Variants in DNAH9 observed in about 807,000 individuals in gnomAD.
The protein encoded by DNAH9 is dynein axonemal heavy chain 9, also known as DNAH9 variant protein.
DNAH9 carries 345 observed loss-of-function variants against 471.6 expected under a neutral mutation model. The observed-to-expected ratio is 0.73, with a 90% confidence interval of 0.67 to 0.80. DNAH9 has a LOEUF of 0.80. DNAH9 is among the 30% of genes least tolerant of loss of function. The pLI, the probability that DNAH9 is intolerant of heterozygous loss-of-function variation, is 0.00. For missense variants in DNAH9, 5,407 were observed against 5,609.2 expected (o/e 0.96, Z 1.15); for synonymous variants, 2,093 against 2,123.6 (o/e 0.99, Z 0.40).
chr17:11,830,693 C>T (rs1970658393), intron 48 of DNAH9, among the ~76,000 whole-genome samples: 1 of 152,134 alleles, frequency 6.6e-6, no homozygotes, highest in African/African-American at 2.4e-5. Flanking sequence ...CAATGAAAAT[C>T]CAACTGAAGT....
chr17:11,776,656 C>T (rs1968447752), intron 38 of DNAH9, among the ~76,000 whole-genome samples: 1 of 152,218 alleles, frequency 6.6e-6, no homozygotes, highest in Non-Finnish European at 1.5e-5. Flanking sequence ...AGACCTTCTA[C>T]TTTGATAAGA....
At chr17:11,754,124 T>C (rs1227406012) in intron 33 of DNAH9, among the ~76,000 whole-genome samples, 1 of 131,818 alleles carries the variant, frequency 7.6e-6, no homozygotes, top group Non-Finnish European at 1.6e-5. Flanking sequence ...CCAGCTCCAT[T>C]CATGTTCCCA....
chr17:11,744,980 C>G lies in DNAH9; in HGVS notation c.6295C>G (p.Pro2099Ala), dbSNP rs149674795. ...IFMGLIGDLF[P>A]ALDVPRRRDP... ...CATGGGCCTGATCGGGGACCTCTTT[C>G]CCGCCCTGGATGTCCCCCGGAGGAG... Residue 2099 changes from proline (P) to alanine (A), a missense_variant, in exon 31 of 69, where the codon CCC becomes GCC. Pro to Ala is a conservative substitution (Grantham distance 27, BLOSUM62 -1). Around this residue, in one of 3 missense-constraint regions of DNAH9, gnomAD observed 4,636 missense variants for 4,900.3 expected, o/e 0.95. Transcript: ENST00000262442. The G allele has an allele frequency of 1.9e-5, 30 of 1,614,000 alleles. No individual in the cohort carries two copies. Among genetic ancestry groups the G allele is most frequent in the Non-Finnish European group, 2.4e-5 (28 of 1,179,998 alleles).
chr17:11,719,189 C>A, intron 26 of DNAH9, 145 bp from the exon 27 acceptor site: 1 of 729,542 alleles, frequency 1.4e-6, no homozygotes, highest in South Asian at 2.1e-5. Flanking sequence ...GAGTCCTCCC[C>A]ACAGTGCTGT....
chr17:11,699,279 G>A (rs184361273), intron 22 of DNAH9, among the ~76,000 whole-genome samples: 2 of 151,452 alleles, frequency 1.3e-5, no homozygotes, highest in Admixed American at 1.3e-4. Context: ...GACTGGGGTG[G>A]CTTCTTCCAC....
chr17:11,877,793 G>T (rs1972561722), intron 53 of DNAH9, among the ~76,000 whole-genome samples: 2 of 152,170 alleles, frequency 1.3e-5, no homozygotes, highest in African/African-American at 2.4e-5. Flanking sequence ...TAGATATAGT[G>T]GCGCTATCTC....
intron 59 of DNAH9, among the ~76,000 whole-genome samples, chr17:11,897,979 C>A (rs1973271173): frequency 6.6e-6 from 1 of 152,158 alleles, no homozygotes; most frequent in African/African-American, 2.4e-5. Flanking sequence ...TGCTTCCTTG[C>A]CGCCTCCAGC....
At chr17:11,823,240 A>G (rs2150942301) in intron 48 of DNAH9, among the ~76,000 whole-genome samples, 1 of 152,172 alleles carries the variant, frequency 6.6e-6, no homozygotes, top group Non-Finnish European at 1.5e-5. Context: ...AGAGCTTTTC[A>G]AGTTTATCCT....
rs112539942 is a variant in DNAH9, at chr17:11,963,667, T to A, written c.13233+1411T>A. On this transcript the variant is annotated intron_variant, in intron 68 of 68. Transcript: ENST00000262442. The stretch of plus-strand genomic sequence containing the variant: ...TGTATCTAAGAGTTGAAATTTTTTT[T>A]AAAAAAAAGAAACTAAAAGGAAAAG... 4.1e-3 allele frequency among the ~76,000 whole-genome samples: 625 copies of A among 151,506 alleles called. 2 individuals are homozygous for A. Among genetic ancestry groups the A allele is most frequent in the Middle Eastern group, 0.014 (4 of 294 alleles).
At chr17:11,802,355 T>C (rs2108441) in intron 43 of DNAH9, among the ~76,000 whole-genome samples, 104,556 of 151,960 alleles carry the variant, frequency 0.69, 36,146 homozygotes, top group African/African-American at 0.71. Flanking sequence ...AGGGTGGGCA[T>C]GGTGGCTCAC....
Position 11,902,609 on chromosome 17 carries a change from A to G in DNAH9, c.11407-110A>G, listed in dbSNP as rs1381910868. On this transcript the variant is annotated intron_variant, in intron 59 of 68. Coordinates refer to ENST00000262442, the MANE Select transcript of DNAH9 (RefSeq NM_001372.4). ...ATCCAAAGCTCTAGACAAGAGTATA[A>G]ATGAGACAGAATTGTGTAGATAAGA... 5 of 1,029,062 alleles carry G rather than the reference A, an allele frequency of 4.9e-6. No individual in the cohort carries two copies. The East Asian group carries it at 1.2e-4, about 25-fold the overall frequency. The allele number at this position is 1,029,062 out of a possible 1,614,324, so 63.7% of individuals were successfully genotyped here.
chr17:11,748,176 A>T (rs796073475), intron 32 of DNAH9, among the ~76,000 whole-genome samples: 1 of 118,732 alleles, frequency 8.4e-6, no homozygotes. Flanking sequence ...AAAAAAAAAA[A>T]ATCAGCTGGG....
chr17:11,839,445 G>A (rs1269846010), intron 49 of DNAH9, among the ~76,000 whole-genome samples: 2 of 152,016 alleles, frequency 1.3e-5, no homozygotes, highest in Middle Eastern at 3.2e-3. Context: ...GAACCCCGGA[G>A]GCGGAGCTTG....
chr17:11,747,649 C>T lies in DNAH9; in HGVS notation c.6493C>T (p.His2165Tyr), dbSNP rs1460056179. 2 of 1,614,088 alleles carry T rather than the reference C, an allele frequency of 1.2e-6. No individual in the cohort carries two copies. The highest frequency in any genetic ancestry group is 2.7e-5 in the African/African-American group (2 of 75,036). Residue 2165 changes from histidine (H) to tyrosine (Y), a missense_variant, in exon 32 of 69, where the codon CAC (histidine) becomes TAC (tyrosine). Physicochemically the swap from His to Tyr is moderately conservative, Grantham distance 83. Around this residue, in one of 3 missense-constraint regions of DNAH9, gnomAD observed 4,636 missense variants for 4,900.3 expected, o/e 0.95. Coordinates refer to ENST00000262442, the MANE Select transcript of DNAH9 (RefSeq NM_001372.4). ...TGKSQVLRSLHKTYQIMKRRP... is the reference protein window; with the variant it reads ...TGKSQVLRSLYKTYQIMKRRP... ...CAAGTCACAGGTGCTGAGGTCCTTG[C>T]ACAAGACCTATCAGATCATGAAACG... is the stretch of plus-strand genomic sequence containing the variant.
At chr17:11,611,085 C>T (rs1386584099) in intron 3 of DNAH9, among the ~76,000 whole-genome samples, 1 of 148,490 alleles carries the variant, frequency 6.7e-6, no homozygotes, top group African/African-American at 2.5e-5. Context: ...TATTTGCCCT[C>T]CTCCTCCCCA....
intron 27 of DNAH9, 71 bp from the exon 28 acceptor site, chr17:11,727,747 G>A: frequency 1.0e-6 from 1 of 996,568 alleles, no homozygotes; most frequent in Non-Finnish European, 1.6e-6. Context: ...TAAAGGGGAT[G>A]GAGAATGGCT....
intron 68 of DNAH9, among the ~76,000 whole-genome samples, chr17:11,963,519 G>A (rs1468208925): frequency 1.3e-5 from 2 of 150,782 alleles, no homozygotes; most frequent in Non-Finnish European, 3.0e-5. Context: ...GGTGTAGGGA[G>A]AGGTGGGGGT....
At chr17:11,654,374 A>AAAAAAAAAAAAAAAAAAAAAAAAG (rs1353333314) in intron 14 of DNAH9, among the ~76,000 whole-genome samples, 1 of 57,792 alleles carries the variant, frequency 1.7e-5, no homozygotes, top group Non-Finnish European at 4.1e-5. Context: ...AAAAAAAAAA[A>AAAAAAAAAAAAAAAAAAAAAAAAG]AAAAGTTTAA....
At chr17:11,738,746 A>T (rs774829091) in intron 28 of DNAH9, 134 bp from the exon 29 acceptor site, 1 of 753,084 alleles carries the variant, frequency 1.3e-6, no homozygotes, top group Non-Finnish European at 2.2e-6. Context: ...TGTGGTCATC[A>T]TGCCTGTCTT....
Sources: gnomAD v4.1 joint callset for allele counts (sites outside exome capture counted in the v4.1 genomes callset) on GRCh38, gnomAD v4.1.1 for gene constraint, gnomAD v4.1.1 regional missense constraint, MANE v1.5 for transcripts, NCBI Gene and HGNC (gene_info 2026-07-23, HGNC 2026-07-21) for gene names.